Variants in PPP1R21 observed in about 807,000 individuals in gnomAD.
The protein encoded by PPP1R21 is protein phosphatase 1 regulatory subunit 21.
A neutral mutation model predicts 112.8 loss-of-function variants in PPP1R21; 85 were observed. The observed-to-expected ratio is 0.75, with a 90% CI of 0.63 to 0.90. The LOEUF (loss-of-function observed/expected upper bound fraction) is 0.90. Among genes scored for constraint, PPP1R21 ranks in the 40% least tolerant of loss-of-function variants. PPP1R21 has a pLI of 0.00. For synonymous variants in PPP1R21, 381 were observed against 322.3 expected (o/e 1.18, Z -1.95); for missense variants, 1,199 against 901.5 (o/e 1.33, Z -4.23).
intron 12 of PPP1R21, among the ~76,000 whole-genome samples, chr2:48,476,046 A>G (rs1203958850): frequency 6.6e-6 from 1 of 152,118 alleles, no homozygotes; most frequent in Non-Finnish European, 1.5e-5. Flanking sequence ...ACTACAGTAA[A>G]TTTTGGAACA....
At chr2:48,486,826 G>A in intron 14 of PPP1R21, 68 bp downstream of exon 14, 2 of 1,514,212 alleles carry the variant, frequency 1.3e-6, no homozygotes, top group Non-Finnish European at 1.8e-6. Context: ...GAGGGACATA[G>A]GAAAATGGAT....
At chr2:48,443,692 T>G (rs190427028) in intron 1 of PPP1R21, among the ~76,000 whole-genome samples, 30 of 152,332 alleles carry the variant, frequency 2.0e-4, no homozygotes, top group Admixed American at 1.5e-3. Context: ...GATCAAAAGA[T>G]TTCTTGTGCT....
chr2:48,498,435 G>A lies in PPP1R21; in HGVS notation c.1693-58G>A, dbSNP rs1669948563. The A allele has an allele frequency of 4.4e-6, 7 of 1,573,620 alleles. No homozygotes were observed. The South Asian group carries it at 6.9e-5, about 15-fold the overall frequency. ...TTTACATTCTGTAAGATAGTTTTTGGGCCACTAAGGTTTATCTGTATTAGT... is the reference window on the plus strand; with the variant it reads ...TTTACATTCTGTAAGATAGTTTTTGAGCCACTAAGGTTTATCTGTATTAGT... On this transcript the variant is annotated intron_variant, in intron 16 of 21. Coordinates refer to ENST00000294952, the MANE Select transcript of PPP1R21 (RefSeq NM_001135629.3).
At chr2:48,487,899 T>C (rs1669383095) in intron 14 of PPP1R21, among the ~76,000 whole-genome samples, 1 of 152,160 alleles carries the variant, frequency 6.6e-6, no homozygotes, top group Non-Finnish European at 1.5e-5. Context: ...CCTACATGTA[T>C]AAAACCAAAA....
At chr2:48,506,889 T>A (rs1363844274) in intron 18 of PPP1R21, among the ~76,000 whole-genome samples, 1 of 146,198 alleles carries the variant, frequency 6.8e-6, no homozygotes, top group South Asian at 2.1e-4. Context: ...GAGCTTGCAG[T>A]GAGCCAAGAC....
chr2:48,499,942 T>C (rs1670032646), intron 17 of PPP1R21, among the ~76,000 whole-genome samples: 1 of 152,202 alleles, frequency 6.6e-6, no homozygotes. Context: ...GTATTTTTTT[T>C]AACAAACATT....
At chr2:48,512,300 A>T (rs1670677572) in intron 21 of PPP1R21, among the ~76,000 whole-genome samples, 1 of 152,146 alleles carries the variant, frequency 6.6e-6, no homozygotes, top group Non-Finnish European at 1.5e-5. Context: ...TTATTACTGT[A>T]ACAACGTATG....
chr2:48,453,169 G>A (rs1001481990), intron 2 of PPP1R21, among the ~76,000 whole-genome samples: 2 of 152,144 alleles, frequency 1.3e-5, no homozygotes, highest in Admixed American at 6.6e-5. Flanking sequence ...GGCCAGGCCA[G>A]TTTCAAACTC....
At chr2:48,509,838 A>G (rs1481535013) in intron 19 of PPP1R21, among the ~76,000 whole-genome samples, 177 bp from the exon 20 acceptor site, 2 of 152,214 alleles carry the variant, frequency 1.3e-5, no homozygotes, top group Non-Finnish European at 2.9e-5. Context: ...GCTGGGGGCC[A>G]CTTCTTTCTT....
Position 48,507,342 on chromosome 2 carries a change from A to C in PPP1R21, c.2042A>C (p.Gln681Pro). 1 of 1,596,258 alleles carries C rather than the reference A, an allele frequency of 6.3e-7. No individual in the cohort carries two copies. Among genetic ancestry groups the C allele is most frequent in the Non-Finnish European group, 8.5e-7 (1 of 1,174,508 alleles). ...YMARIVELTS[Q>P]LQLADSKSVH... ...GCAAGGATAGTGGAACTTACGTCTC[A>C]GTTGCAGCTGGCTGACAGTAAGTCA... The change falls in exon 19 of 22, where the codon CAG becomes CCG. Residue 681 changes from glutamine (Q) to proline (P), a missense_variant. Gln to Pro is a moderately conservative substitution (Grantham distance 76). Coordinates refer to ENST00000294952, the MANE Select transcript of PPP1R21 (RefSeq NM_001135629.3).
chr2:48,471,241 G>A (rs759751325), intron 10 of PPP1R21, 38 bp from the exon 11 acceptor site: 1 of 1,609,200 alleles, frequency 6.2e-7, no homozygotes, highest in Non-Finnish European at 8.5e-7. Context: ...TCTTTGTCCA[G>A]TAGCACTTTT....
At position 48,462,288 on chromosome 2, in the gene PPP1R21, GATGCAAAAATTGGT is replaced by G. The variant is rs1228730030; in HGVS notation, c.694+1058_694+1071del. On this transcript the variant is annotated intron_variant, in intron 7 of 21. Transcript: ENST00000294952. Reference sequence around the variant, plus strand: ...GCCTAGACAGGTCAGTAGCATAGGGGATGCAAAAATTGGTAAGTCAAAATTTCTACCTCAAGCAG... The same window carrying G: ...GCCTAGACAGGTCAGTAGCATAGGGGAAGTCAAAATTTCTACCTCAAGCAG... 6.6e-5 allele frequency among the ~76,000 whole-genome samples: 10 copies of G among 152,304 alleles called. No homozygotes were observed. The South Asian group carries it at 1.9e-3, about 28-fold the overall frequency.
chr2:48,506,825 G>A (rs1336230718), intron 18 of PPP1R21, among the ~76,000 whole-genome samples: 2 of 151,852 alleles, frequency 1.3e-5, no homozygotes, highest in Non-Finnish European at 2.9e-5. Context: ...GGGCGCCTGT[G>A]GTCCCAGCTA....
At chr2:48,483,771 C>T (rs990730102) in intron 13 of PPP1R21, among the ~76,000 whole-genome samples, 3 of 152,084 alleles carry the variant, frequency 2.0e-5, no homozygotes, top group Non-Finnish European at 2.9e-5. Context: ...GCTAATCCAC[C>T]ATGTAACTTC....
intron 7 of PPP1R21, among the ~76,000 whole-genome samples, chr2:48,463,780 G>A (rs1668081109): frequency 6.6e-6 from 1 of 151,952 alleles, no homozygotes; most frequent in Non-Finnish European, 1.5e-5. Flanking sequence ...GAAGGGCCCA[G>A]GAGGACGGTT....
chr2:48,475,522 C>T (rs570148752), intron 12 of PPP1R21, among the ~76,000 whole-genome samples: 1 of 152,118 alleles, frequency 6.6e-6, no homozygotes, highest in East Asian at 1.9e-4. Context: ...AGTAAAAATG[C>T]CATTTGTTCC....
chr2:48,480,759 C>T (rs1307146411), intron 13 of PPP1R21, among the ~76,000 whole-genome samples: 3 of 152,072 alleles, frequency 2.0e-5, no homozygotes, highest in South Asian at 4.2e-4. Context: ...GTCCAGGTGC[C>T]TGGATGATTC....
At chr2:48,447,801 T>A (rs1667312511) in intron 1 of PPP1R21, among the ~76,000 whole-genome samples, 1 of 151,948 alleles carries the variant, frequency 6.6e-6, no homozygotes, top group Non-Finnish European at 1.5e-5. Context: ...ATACAAAAAA[T>A]TAGCCGGGCG....
intron 7 of PPP1R21, 81 bp downstream of exon 7, chr2:48,461,313 C>G: frequency 1.4e-6 from 2 of 1,390,674 alleles, no homozygotes; most frequent in Non-Finnish European, 1.9e-6. Context: ...AATTTTTAAT[C>G]TTTTGGGCAA....
Sources: gnomAD v4.1 joint callset for allele counts (sites outside exome capture counted in the v4.1 genomes callset) on GRCh38, gnomAD v4.1.1 for gene constraint, MANE v1.5 for transcripts, NCBI Gene and HGNC (gene_info 2026-07-23, HGNC 2026-07-21) for gene names.